The following CRYBA4 variants were observed in gnomAD, a reference collection of about 807,000 sequenced individuals.
CRYBA4 encodes crystallin beta A4.
In CRYBA4, 30 loss-of-function variants were observed where a neutral mutation model predicts 31.7. That is an observed-to-expected ratio of 0.95 (90% CI 0.71 to 1.28). The LOEUF (loss-of-function observed/expected upper bound fraction) is 1.28, where lower values mean the gene tolerates loss of function less well. Ranked by LOEUF, CRYBA4 falls within the 50% of genes most tolerant of loss-of-function variation. The probability of loss-of-function intolerance (pLI) is 0.00; values close to 1 mark genes in which losing one functional copy is unlikely to be tolerated. For synonymous variants in CRYBA4, 102 were observed against 102.3 expected (o/e 1.00, Z 0.02); for missense variants, 225 against 260.7 (o/e 0.86, Z 0.94).
chr22:26,607,998 T>C, the CRYBA4 span: 4 of 1,613,972 alleles, frequency 2.5e-6, no homozygotes, highest in Non-Finnish European at 3.4e-6. Flanking sequence ...CCCGCGGAAG[T>C]TGGACTGCTC....
In CRYBA4 at chr22:26,628,388, G is replaced by A; in HGVS notation, c.401G>A (p.Trp134Ter). The part of the protein sequence containing the change: ...DDYPSLQAMG[W>*]EGNEVGSFHV... ...TATCCTTCCCTCCAGGCCATGGGATGGGAAGGCAATGAAGTAGGGTCCTTC... is the reference window on the plus strand; with the variant it reads ...TATCCTTCCCTCCAGGCCATGGGATAGGAAGGCAATGAAGTAGGGTCCTTC... Residue 134 changes from tryptophan to a stop codon, truncating the protein, a stop_gained, in exon 5 of 6, where the codon TGG becomes TAG. Coordinates refer to ENST00000354760, the MANE Select transcript of CRYBA4 (RefSeq NM_001886.3). LOFTEE classifies it high-confidence loss of function. 6.2e-7 allele frequency: 1 copy of A among 1,614,048 alleles called. No individual in the cohort carries two copies. The highest frequency in any genetic ancestry group is 8.5e-7 in the Non-Finnish European group (1 of 1,180,000).
chr22:26,627,334 C>CCCTCCCT (rs1929730862), intron 4 of CRYBA4, among the ~76,000 whole-genome samples: 2 of 25,096 alleles, frequency 8.0e-5, no homozygotes, highest in African/African-American at 5.2e-4. Flanking sequence ...CTTTTCCTTT[C>CCCTCCCT]CCCTCCCTCC....
At chr22:26,607,926 C>T in the CRYBA4 span, 27 of 1,614,100 alleles carry the variant, frequency 1.7e-5, no homozygotes, top group Admixed American at 2.3e-4. Context: ...CCGATCACTG[C>T]GGTAGCTGCT....
chr22:26,607,429 C>T, the CRYBA4 span, among the ~76,000 whole-genome samples: 75 of 152,090 alleles, frequency 4.9e-4, no homozygotes, highest in African/African-American at 1.7e-3. Flanking sequence ...TGGTGGCTCA[C>T]GGCTGTAATC....
the CRYBA4 span, chr22:26,607,993 G>A: frequency 3.7e-3 from 5,907 of 1,614,210 alleles, 34 homozygotes; most frequent in Middle Eastern, 0.013. Flanking sequence ...ATCTCCCCGC[G>A]GAAGTTGGAC....
At chr22:26,613,438 A>G in the CRYBA4 span, among the ~76,000 whole-genome samples, 1 of 152,220 alleles carries the variant, frequency 6.6e-6, no homozygotes, top group Non-Finnish European at 1.5e-5. Flanking sequence ...GGCTGAAGCC[A>G]TGGCAGAAGA....
the CRYBA4 span, among the ~76,000 whole-genome samples, chr22:26,613,441 G>A: frequency 1.3e-5 from 2 of 152,232 alleles, no homozygotes; most frequent in Non-Finnish European, 2.9e-5. Flanking sequence ...TGAAGCCATG[G>A]CAGAAGAACG....
At chr22:26,594,429 G>A in the CRYBA4 span, among the ~76,000 whole-genome samples, 8 of 152,264 alleles carry the variant, frequency 5.3e-5, no homozygotes, top group South Asian at 2.1e-4. Context: ...AAAAGATTAC[G>A]GGTTGCCTCT....
chr22:26,607,430 G>A, the CRYBA4 span, among the ~76,000 whole-genome samples: 4 of 151,948 alleles, frequency 2.6e-5, no homozygotes, highest in Admixed American at 6.6e-5. Flanking sequence ...GGTGGCTCAC[G>A]GCTGTAATCC....
the CRYBA4 span, among the ~76,000 whole-genome samples, chr22:26,608,266 G>T: frequency 6.6e-6 from 1 of 152,288 alleles, no homozygotes; most frequent in South Asian, 2.1e-4. Context: ...CTGTTTCCTT[G>T]GAGTTGGTGA....
chr22:26,611,619 C>G, the CRYBA4 span, among the ~76,000 whole-genome samples: 1 of 151,872 alleles, frequency 6.6e-6, no homozygotes, highest in South Asian at 2.1e-4. Flanking sequence ...GGACTACAGG[C>G]GCCCGCCACC....
intron 5 of CRYBA4, among the ~76,000 whole-genome samples, chr22:26,628,789 C>T (rs1449977315): frequency 6.6e-6 from 1 of 152,152 alleles, no homozygotes; most frequent in Non-Finnish European, 1.5e-5. Flanking sequence ...GCGGCTTCAT[C>T]GTTACATCCA....
At chr22:26,618,549 C>A (rs918545811), upstream of CRYBA4, among the ~76,000 whole-genome samples, 1 of 152,214 alleles carries the variant, frequency 6.6e-6, no homozygotes, top group African/African-American at 2.4e-5. Context: ...GCCTTTTTTA[C>A]GGAGTGCTTA....
At chr22:26,612,402 G>A in the CRYBA4 span, among the ~76,000 whole-genome samples, 68 of 152,022 alleles carry the variant, frequency 4.5e-4, no homozygotes, top group African/African-American at 1.3e-3. Context: ...TCACTCTGTC[G>A]CCCCAGCTGA....
At chr22:26,626,013 G>T (rs981042096) in intron 4 of CRYBA4, among the ~76,000 whole-genome samples, 25 of 152,130 alleles carry the variant, frequency 1.6e-4, no homozygotes, top group African/African-American at 6.0e-4. Flanking sequence ...CAGCATCAGT[G>T]CTCCTGATCT....
At chr22:26,608,128 G>A in the CRYBA4 span, 3 of 1,531,150 alleles carry the variant, frequency 2.0e-6, no homozygotes, top group Non-Finnish European at 2.7e-6. Context: ...CCTGAGGACA[G>A]TAGGAAAGTC....
At position 26,630,381 on chromosome 22, in the gene CRYBA4, A is replaced by G. The variant is rs1299110590; in HGVS notation, c.485A>G (p.Tyr162Cys). 3 of 1,614,118 alleles carry G rather than the reference A, an allele frequency of 1.9e-6. No individual in the cohort carries two copies. The highest frequency in any genetic ancestry group is 1.1e-5 in the South Asian group (1 of 91,070). Reference sequence around the variant, plus strand: ...TTTCCGGGCTACCGAGGATTTCAGTATGTGCTGGAATGCGATCACCATTCC... The same window carrying G: ...TTTCCGGGCTACCGAGGATTTCAGTGTGTGCTGGAATGCGATCACCATTCC... ...SQFPGYRGFQ[Y>C]VLECDHHSGD... The change falls in exon 6 of 6, where the codon TAT (tyrosine) becomes TGT (cysteine). Residue 162 changes from tyrosine (Y) to cysteine (C), a missense_variant. Coordinates refer to ENST00000354760, the MANE Select transcript of CRYBA4 (RefSeq NM_001886.3).
the CRYBA4 span, chr22:26,596,630 CAAT>C: frequency 6.6e-6 from 1 of 152,130 alleles, no homozygotes; most frequent in Non-Finnish European, 1.5e-5. Flanking sequence ...ATCTTACCAA[CAAT>C]AAGACCTTGA....
chr22:26,603,042 G>A, the CRYBA4 span, among the ~76,000 whole-genome samples: 58 of 147,974 alleles, frequency 3.9e-4, no homozygotes, highest in Non-Finnish European at 5.1e-4. Context: ...GGAGAATGGC[G>A]TGAACCCAGG....
Sources: gnomAD v4.1 joint callset for allele counts (sites outside exome capture counted in the v4.1 genomes callset) on GRCh38, gnomAD v4.1.1 for gene constraint, MANE v1.5 for transcripts, NCBI Gene and HGNC (gene_info 2026-07-23, HGNC 2026-07-21) for gene names.